The following NTF3 variants were observed in gnomAD, a reference collection of about 807,000 sequenced individuals.
The protein encoded by NTF3 is neurotrophin 3.
Under a neutral mutation model 26.3 loss-of-function variants are expected in NTF3, and 8 were observed. The observed-to-expected ratio is 0.30, with a 90% CI of 0.18 to 0.55. NTF3 has a LOEUF of 0.55. Ranked by LOEUF, NTF3 falls within the 20% of genes least tolerant of loss-of-function variation. The probability of loss-of-function intolerance (pLI) is 0.93; values close to 1 mark genes in which losing one functional copy is unlikely to be tolerated. For synonymous variants in NTF3, 154 were observed against 145.5 expected, an observed-to-expected ratio of 1.06 and a Z score of -0.42; for missense variants, 276 against 352.9, an observed-to-expected ratio of 0.78 and a Z score of 1.75.
intron 1 of NTF3, among the ~76,000 whole-genome samples, chr12:5,450,953 A>G (rs1474790640): frequency 6.6e-6 from 1 of 152,186 alleles, no homozygotes; most frequent in Non-Finnish European, 1.5e-5. Context: ...AACTCATCCA[A>G]GATTAAATGT....
upstream of NTF3, chr12:5,432,033 A>C: frequency 6.0e-6 from 1 of 167,898 alleles, no homozygotes. Flanking sequence ...CGCGGCGCGG[A>C]AGGGGTTAAG....
chr12:5,443,470 AG>A (rs1195969985), intron 1 of NTF3, among the ~76,000 whole-genome samples: 3 of 152,134 alleles, frequency 2.0e-5, no homozygotes, highest in African/African-American at 7.2e-5. Flanking sequence ...TAAAATACAA[AG>A]GGGGGAAATG....
At chr12:5,455,671 C>A (rs964712344) in intron 1 of NTF3, among the ~76,000 whole-genome samples, 1 of 152,192 alleles carries the variant, frequency 6.6e-6, no homozygotes, top group South Asian at 2.1e-4. Flanking sequence ...AGACAAAGTT[C>A]TATTCCCTGT....
chr12:5,431,726 A>G (rs949109030), upstream of NTF3, among the ~76,000 whole-genome samples: 1 of 152,096 alleles, frequency 6.6e-6, no homozygotes, highest in Non-Finnish European at 1.5e-5. Context: ...AAAAAGAAAA[A>G]TTTCAAGAAA....
intron 1 of NTF3, among the ~76,000 whole-genome samples, chr12:5,490,304 G>GTC (rs893516615): frequency 5.9e-5 from 9 of 152,198 alleles, no homozygotes; most frequent in Admixed American, 6.5e-5. Flanking sequence ...GTAAATAGAC[G>GTC]TCGAAAGTCC....
intron 1 of NTF3, among the ~76,000 whole-genome samples, chr12:5,443,565 T>C (rs1367732849): frequency 1.3e-5 from 2 of 152,190 alleles, no homozygotes; most frequent in African/African-American, 4.8e-5. Flanking sequence ...GTGCTTTGCG[T>C]CCAAGATAGC....
chr12:5,471,676 G>C (rs575534169), intron 1 of NTF3, among the ~76,000 whole-genome samples: 1 of 152,038 alleles, frequency 6.6e-6, no homozygotes, highest in South Asian at 2.1e-4. Flanking sequence ...GAGGATGTTT[G>C]TATAGAGGGG....
intron 1 of NTF3, among the ~76,000 whole-genome samples, chr12:5,459,668 G>T (rs1940501705): frequency 6.6e-6 from 1 of 152,212 alleles, no homozygotes; most frequent in African/African-American, 2.4e-5. Context: ...GGATGTCCTA[G>T]ACGCAGGTTA....
chr12:5,432,373 G>A, intron 1 of NTF3, 31 bp downstream of exon 1: 1 of 1,610,188 alleles, frequency 6.2e-7, no homozygotes, highest in Non-Finnish European at 8.5e-7. Context: ...CCTTGGGTGG[G>A]CAGGTTTGGG....
chr12:5,473,948 C>T (rs1396959913), intron 1 of NTF3, among the ~76,000 whole-genome samples: 3 of 152,246 alleles, frequency 2.0e-5, no homozygotes, highest in Non-Finnish European at 4.4e-5. Flanking sequence ...TGCGCATCTT[C>T]AGTCCCCTTC....
At position 5,433,951 on chromosome 12, in the gene NTF3, T is replaced by C. The variant is rs1273858199; in HGVS notation, c.18+1609T>C. On this transcript the variant is annotated intron_variant, in intron 1 of 1. Transcript: ENST00000423158. This position sits in a 1 kb window ranked among gnomAD's most constrained non-coding sequence, Gnocchi z 4.6. ...TGGAGTGCACTGAGCGACCTGCTTT[T>C]TAAATAAAGAGGTGCCCGCTCCTAC... 6.6e-6 allele frequency among the ~76,000 whole-genome samples: 1 copy of C among 152,124 alleles called. No homozygotes were observed. The highest frequency in any genetic ancestry group is 1.5e-5 in the Non-Finnish European group (1 of 68,020).
chr12:5,432,178 T>G lies in NTF3; in HGVS notation c.-147T>G. ...GCCCCGCGACGCAGCCCGGCGCAAC[T>G]ACTTTCTTCTCTCTCCTTTCTTTCT... On this transcript the variant is annotated 5_prime_UTR_variant, in exon 1 of 2. Coordinates refer to ENST00000423158, the MANE Select transcript of NTF3 (RefSeq NM_001102654.2). 1 of 943,622 alleles carries G rather than the reference T, an allele frequency of 1.1e-6. No homozygotes were observed. Among genetic ancestry groups the G allele is most frequent in the Non-Finnish European group, 1.7e-6 (1 of 593,328 alleles). The allele number at this position is 943,622 out of a possible 1,614,324, so 58.5% of individuals were successfully genotyped here.
At chr12:5,469,418 T>G (rs1024561827) in intron 1 of NTF3, among the ~76,000 whole-genome samples, 1 of 152,068 alleles carries the variant, frequency 6.6e-6, no homozygotes, top group African/African-American at 2.4e-5. Flanking sequence ...ATGGCCTGTG[T>G]AGAGTCCCAT....
In NTF3 at chr12:5,456,076, C is replaced by T. The variant is rs760975060; in HGVS notation, c.18+23734C>T. ...TGTGACTTCTTCCTCCAAGCATGTCCGGACCTCCAGTCAATGGTGGGCTGT... is the reference window on the plus strand; with the variant it reads ...TGTGACTTCTTCCTCCAAGCATGTCTGGACCTCCAGTCAATGGTGGGCTGT... On this transcript the variant is annotated intron_variant, in intron 1 of 1. Transcript: ENST00000423158. The surrounding 1 kb of genome is among the most constrained non-coding windows in gnomAD (Gnocchi z 4.4). 6.6e-6 allele frequency among the ~76,000 whole-genome samples: 1 copy of T among 152,140 alleles called. No individual in the cohort carries two copies. The highest frequency in any genetic ancestry group is 2.4e-5 in the African/African-American group (1 of 41,434).
intron 1 of NTF3, among the ~76,000 whole-genome samples, chr12:5,471,573 C>A (rs1172753087): frequency 6.6e-6 from 1 of 152,146 alleles, no homozygotes; most frequent in African/African-American, 2.4e-5. Context: ...TTGCAGGCAT[C>A]TCTTTCTGTG....
In NTF3 at chr12:5,456,526, CAGAG is replaced by C. The variant is rs1366690197; in HGVS notation, c.18+24187_18+24190del. On this transcript the variant is annotated intron_variant, in intron 1 of 1. Coordinates refer to ENST00000423158, the MANE Select transcript of NTF3 (RefSeq NM_001102654.2). This position sits in a 1 kb window ranked among gnomAD's most constrained non-coding sequence, Gnocchi z 4.4. The stretch of plus-strand genomic sequence containing the variant: ...CTCAGGCACGGTGGACCTGGCTCCT[CAGAG>C]AGCTCTAGGGACAGAGGAGAGAAAG... Among the ~76,000 whole-genome samples, 1 of 152,084 alleles carries C rather than the reference CAGAG, an allele frequency of 6.6e-6. No homozygotes were observed. Among genetic ancestry groups the C allele is most frequent in the Non-Finnish European group, 1.5e-5 (1 of 68,010 alleles).
intron 1 of NTF3, among the ~76,000 whole-genome samples, chr12:5,493,421 C>T (rs1483629600): frequency 6.6e-6 from 1 of 152,182 alleles, no homozygotes; most frequent in African/African-American, 2.4e-5. Flanking sequence ...AAGTCCAGCC[C>T]ATTTATGTAA....
rs1940130520 is a variant in NTF3 at position 5,433,693 on chromosome 12, AC to A, written c.18+1353del. 6.6e-6 allele frequency among the ~76,000 whole-genome samples: 1 copy of A among 151,990 alleles called. No individual in the cohort carries two copies. The highest frequency in any genetic ancestry group is 2.4e-5 in the African/African-American group (1 of 41,388). On this transcript the variant is annotated intron_variant, in intron 1 of 1. Coordinates refer to ENST00000423158, the MANE Select transcript of NTF3 (RefSeq NM_001102654.2). The surrounding 1 kb of genome is among the most constrained non-coding windows in gnomAD (Gnocchi z 4.6). ...GGGTGGGATTGCCGGTGGGGGAAAC[AC>A]CGAAAAGATCGTCTGGCCTCGGCCT...
intron 1 of NTF3, among the ~76,000 whole-genome samples, chr12:5,482,561 G>A (rs556900967): frequency 3.3e-5 from 5 of 152,268 alleles, no homozygotes; most frequent in African/African-American, 7.2e-5. Context: ...CTCTGGACCT[G>A]CAGCAATGCT....
Sources: gnomAD v4.1 joint callset for allele counts (sites outside exome capture counted in the v4.1 genomes callset) on GRCh38, gnomAD v4.1.1 for gene constraint, Gnocchi (gnomAD v3.1) non-coding constraint, MANE v1.5 for transcripts, NCBI Gene and HGNC (gene_info 2026-07-23, HGNC 2026-07-21) for gene names.